IFT74: variants seen among roughly 807,000 people sequenced by gnomAD.
IFT74 encodes the protein intraflagellar transport 74, also known as intraflagellar transport protein 74 homolog.
In IFT74, 92 loss-of-function variants were observed where a neutral mutation model predicts 96.7. The observed-to-expected ratio is 0.95, with a 90% CI of 0.80 to 1.13. The LOEUF (loss-of-function observed/expected upper bound fraction) is 1.13, where lower values mean the gene tolerates loss of function less well. Among genes scored for constraint, IFT74 ranks in the 50% most tolerant of loss-of-function variants. IFT74 has a pLI of 0.00. For missense variants in IFT74, 811 were observed against 698.2 expected (o/e 1.16, Z -1.82); for synonymous variants, 223 against 213.2 (o/e 1.05, Z -0.40).
chr9:27,005,920 A>G (rs1828752420), intron 8 of IFT74, among the ~76,000 whole-genome samples: 2 of 151,870 alleles, frequency 1.3e-5, no homozygotes, highest in South Asian at 4.2e-4. Flanking sequence ...GCTCAATGCA[A>G]CCTCCACCTC....
At chr9:26,999,923 A>G (rs991221783) in intron 8 of IFT74, among the ~76,000 whole-genome samples, 1 of 151,920 alleles carries the variant, frequency 6.6e-6, no homozygotes, top group African/African-American at 2.4e-5. Context: ...AGCATGCACT[A>G]CCATGCCTGG....
intron 12 of IFT74, among the ~76,000 whole-genome samples, chr9:27,022,858 G>A (rs556308922): frequency 4.6e-5 from 7 of 152,100 alleles, no homozygotes; most frequent in Non-Finnish European, 1.0e-4. Flanking sequence ...AGCCAGGATG[G>A]TCTTGACCTG....
At chr9:26,984,677 CAT>C (rs1827560508) in intron 6 of IFT74, 118 bp downstream of exon 6, 1 of 707,214 alleles carries the variant, frequency 1.4e-6, no homozygotes, top group Middle Eastern at 3.9e-4. Flanking sequence ...AGAAGACAAA[CAT>C]GCAGCCAACA....
chr9:27,029,520 G>A (rs1470940911), intron 13 of IFT74, among the ~76,000 whole-genome samples: 1 of 151,982 alleles, frequency 6.6e-6, no homozygotes, highest in African/African-American at 2.4e-5. Context: ...AGCTGAGGCG[G>A]GCAGATCATC....
intron 8 of IFT74, chr9:27,005,709 T>C (rs1828741004): frequency 6.6e-6 from 1 of 151,950 alleles, no homozygotes; most frequent in Admixed American, 6.6e-5. Context: ...TTGTACCCAG[T>C]GAACAGGTGA....
At chr9:26,956,841 C>T (rs1238688601) in intron 1 of IFT74, among the ~76,000 whole-genome samples, 2 of 152,262 alleles carry the variant, frequency 1.3e-5, no homozygotes, top group East Asian at 1.9e-4. Flanking sequence ...TTATTTCTGT[C>T]TGTTGATCAC....
intron 2 of IFT74, among the ~76,000 whole-genome samples, chr9:26,966,100 GT>G (rs981083351): frequency 6.6e-6 from 1 of 150,392 alleles, no homozygotes; most frequent in Non-Finnish European, 1.5e-5. Context: ...GGACAGTCAG[GT>G]TTTTTTTTCA....
intron 16 of IFT74, among the ~76,000 whole-genome samples, chr9:27,049,218 T>A (rs1047613472): frequency 1.3e-5 from 2 of 152,174 alleles, no homozygotes; most frequent in Non-Finnish European, 2.9e-5. Context: ...ACTTATTTTT[T>A]AAAAATAAAT....
chr9:26,998,221 A>G, intron 8 of IFT74: 1 of 1,484,140 alleles, frequency 6.7e-7, no homozygotes. Flanking sequence ...AATTTTTTTC[A>G]GTAAAATTAC....
intron 8 of IFT74, among the ~76,000 whole-genome samples, chr9:27,008,206 T>C (rs1268665271): frequency 6.6e-6 from 1 of 152,170 alleles, no homozygotes; most frequent in African/African-American, 2.4e-5. Context: ...AAGCCATAAC[T>C]AAAAAATCAA....
chr9:26,984,474 G>A, intron 5 of IFT74, 25 bp from the exon 6 acceptor site: 3 of 1,600,146 alleles, frequency 1.9e-6, no homozygotes, highest in Middle Eastern at 1.7e-4. Context: ...ACATATTTAT[G>A]AATGTATTTA....
At chr9:26,962,345 TG>T (rs1826403654) in intron 2 of IFT74, among the ~76,000 whole-genome samples, 1 of 152,236 alleles carries the variant, frequency 6.6e-6, no homozygotes, top group Admixed American at 6.5e-5. Flanking sequence ...TTTTGTTTTT[TG>T]GAAAGCATCT....
intron 1 of IFT74, among the ~76,000 whole-genome samples, chr9:26,950,312 A>G (rs1056490428): frequency 4.0e-5 from 6 of 148,194 alleles, no homozygotes; most frequent in Non-Finnish European, 7.5e-5. Flanking sequence ...CTCTGTCTCA[A>G]AAAAAAAAAA....
chr9:27,035,223 C>T (rs1489323002), intron 13 of IFT74, among the ~76,000 whole-genome samples: 3 of 152,178 alleles, frequency 2.0e-5, no homozygotes, highest in Non-Finnish European at 4.4e-5. Context: ...TTTCCCAAAG[C>T]ATACATTAGA....
chr9:26,948,448 A>ATT (rs71841244), intron 1 of IFT74, among the ~76,000 whole-genome samples: 16 of 59,162 alleles, frequency 2.7e-4, no homozygotes, highest in Non-Finnish European at 3.1e-4. Context: ...GCTTTCCATT[A>ATT]TTTTTTTTTT....
intron 13 of IFT74, among the ~76,000 whole-genome samples, chr9:27,033,163 T>G (rs1830200798): frequency 6.6e-6 from 1 of 152,172 alleles, no homozygotes. Context: ...GTCTTTTCAT[T>G]TAACTGTATA....
chr9:27,036,856 A>G, intron 13 of IFT74: 2 of 1,016,538 alleles, frequency 2.0e-6, no homozygotes, highest in Non-Finnish European at 2.4e-6. Context: ...TGAAGCTGAC[A>G]TTTGTGGAAG....
In IFT74 at chr9:27,014,486, G is replaced by A. The variant is rs375113103; in HGVS notation, c.790-2421G>A. 5.9e-5 allele frequency among the ~76,000 whole-genome samples: 9 copies of A among 152,082 alleles called. No individual in the cohort carries two copies. In the East Asian group the frequency reaches 1.2e-3, roughly 20 times the overall value. ...TAGATTTACTTTTTGTACTGATGCCGTTCTTCTCTGATGTCAGTACATTTA... is the reference window on the plus strand; with the variant it reads ...TAGATTTACTTTTTGTACTGATGCCATTCTTCTCTGATGTCAGTACATTTA... On this transcript the variant is annotated intron_variant, in intron 10 of 19. Transcript: ENST00000380062.
intron 16 of IFT74, among the ~76,000 whole-genome samples, chr9:27,053,942 A>G (rs1009751438): frequency 7.2e-5 from 11 of 151,986 alleles, no homozygotes; most frequent in African/African-American, 2.4e-4. Context: ...ACAAAACAAA[A>G]CTCTTTGCAA....
Sources: allele counts gnomAD v4.1 joint callset (sites outside exome capture counted in the v4.1 genomes callset), GRCh38; gene constraint gnomAD v4.1.1; transcripts MANE v1.5; gene names NCBI Gene and HGNC (gene_info 2026-07-23, HGNC 2026-07-21).